The following CYP4Z1 variants were observed in gnomAD, a reference collection of about 807,000 sequenced individuals.
CYP4Z1 encodes the protein cytochrome P450 family 4 subfamily Z member 1, also known as cytochrome P450 4Z1.
CYP4Z1 carries 41 observed loss-of-function variants against 54.2 expected under a neutral mutation model. The observed-to-expected ratio is 0.76, with a 90% CI of 0.59 to 0.98. The LOEUF (loss-of-function observed/expected upper bound fraction) is 0.98. CYP4Z1 is among the 50% of genes least tolerant of loss of function. CYP4Z1 has a pLI of 0.00. For synonymous variants in CYP4Z1, 163 were observed against 206.2 expected (o/e 0.79, Z 1.79); for missense variants, 513 against 599.0 (o/e 0.86, Z 1.50).
rs1644520558 is a variant in CYP4Z1 at position 47,076,330 on chromosome 1, G to A, written c.320-4293G>A. ...ATCATTTCCTTCCTTCAGTAGCTTT[G>A]GGTTTCATTTGCCCTTCTTTTTCCA... On this transcript the variant is annotated intron_variant, in intron 2 of 11. Coordinates refer to ENST00000334194, the MANE Select transcript of CYP4Z1 (RefSeq NM_178134.3). Among the ~76,000 whole-genome samples, 3 of 150,090 alleles carry A rather than the reference G, an allele frequency of 2.0e-5. No homozygotes were observed. In the South Asian group the frequency reaches 6.4e-4, roughly 32 times the overall value.
intron 8 of CYP4Z1, among the ~76,000 whole-genome samples, chr1:47,105,918 C>CGGG (rs10567873): frequency 6.7e-6 from 1 of 150,328 alleles, no homozygotes; most frequent in African/African-American, 2.4e-5. Flanking sequence ...CCTATATCTG[C>CGGG]GGGGGGGGGA....
At chr1:47,109,148 C>G (rs1412482663) in intron 9 of CYP4Z1, among the ~76,000 whole-genome samples, 1 of 151,962 alleles carries the variant, frequency 6.6e-6, no homozygotes, top group Non-Finnish European at 1.5e-5. Flanking sequence ...TACACATACA[C>G]TGAAATGCAA....
At chr1:47,094,439 T>G in intron 6 of CYP4Z1, 127 bp from the exon 7 acceptor site, 2 of 624,900 alleles carry the variant, frequency 3.2e-6, no homozygotes, top group Non-Finnish European at 5.5e-6. Context: ...CCTTACCAAC[T>G]CAGGAACATT....
intron 9 of CYP4Z1, among the ~76,000 whole-genome samples, chr1:47,114,357 G>A (rs1211760613): frequency 6.6e-6 from 1 of 152,062 alleles, no homozygotes; most frequent in Non-Finnish European, 1.5e-5. Flanking sequence ...AGAAAACCTA[G>A]GCAATACCAT....
intron 9 of CYP4Z1, among the ~76,000 whole-genome samples, chr1:47,114,845 G>A (rs1310118783): frequency 4.6e-5 from 7 of 152,226 alleles, no homozygotes; most frequent in African/African-American, 1.7e-4. Context: ...TACACTGTTG[G>A]TGGGACTGTA....
chr1:47,058,333 C>T, the CYP4Z1 span, among the ~76,000 whole-genome samples: 10 of 152,040 alleles, frequency 6.6e-5, no homozygotes, highest in African/African-American at 2.4e-4. Flanking sequence ...GACCTTCAGG[C>T]TGAGGTAGTT....
chr1:47,068,130 G>A (rs1644463630), intron 1 of CYP4Z1, among the ~76,000 whole-genome samples: 1 of 152,238 alleles, frequency 6.6e-6, no homozygotes, highest in African/African-American at 2.4e-5. Context: ...AAAGGCATGT[G>A]AGACTTCGCT....
chr1:47,078,883 G>A (rs1333142850), intron 2 of CYP4Z1, among the ~76,000 whole-genome samples: 1 of 149,768 alleles, frequency 6.7e-6, no homozygotes, highest in Non-Finnish European at 1.5e-5. Flanking sequence ...GTATGTGTAG[G>A]TTCCCTGTTA....
the CYP4Z1 span, among the ~76,000 whole-genome samples, chr1:47,059,805 G>A: frequency 6.6e-6 from 1 of 152,120 alleles, no homozygotes; most frequent in African/African-American, 2.4e-5. Context: ...GGTCCCCTAT[G>A]GGGCACTTTG....
the CYP4Z1 span, among the ~76,000 whole-genome samples, chr1:47,058,775 C>T: frequency 6.6e-6 from 1 of 152,150 alleles, no homozygotes; most frequent in Non-Finnish European, 1.5e-5. Context: ...CTACTCTACT[C>T]AGACCTATGT....
At chr1:47,096,399 ACT>A (rs1416542117) in intron 7 of CYP4Z1, among the ~76,000 whole-genome samples, 2 of 152,134 alleles carry the variant, frequency 1.3e-5, no homozygotes, top group South Asian at 2.1e-4. Flanking sequence ...CAAGATATCG[ACT>A]CTAAAAATAA....
chr1:47,100,031 T>G (rs1203421856), intron 8 of CYP4Z1, among the ~76,000 whole-genome samples: 1 of 151,878 alleles, frequency 6.6e-6, no homozygotes, highest in African/African-American at 2.4e-5. Flanking sequence ...TTAATAACAT[T>G]CATTCTTTGT....
At chr1:47,107,504 A>T (rs11211449) in intron 9 of CYP4Z1, among the ~76,000 whole-genome samples, 64,911 of 151,496 alleles carry the variant, frequency 0.43, 15,190 homozygotes, top group East Asian at 0.96. Context: ...TATTACCTAC[A>T]TAATATTGCA....
intron 9 of CYP4Z1, chr1:47,115,293 T>G: frequency 2.7e-6 from 1 of 365,296 alleles, no homozygotes. Flanking sequence ...CCAGAGCCTG[T>G]TGTGGGGTGG....
At chr1:47,097,946 G>C (rs1644690340) in intron 7 of CYP4Z1, among the ~76,000 whole-genome samples, 2 of 151,394 alleles carry the variant, frequency 1.3e-5, no homozygotes, top group African/African-American at 4.9e-5. Context: ...CTCCCGAGTA[G>C]CTGGGATTAC....
At position 47,117,838 on chromosome 1, in the gene CYP4Z1, G is replaced by A. The variant is rs1644841893; in HGVS notation, c.1422G>A (p.Lys474=). 6.2e-7 allele frequency: 1 copy of A among 1,613,610 alleles called. No homozygotes were observed. The highest frequency in any genetic ancestry group is 1.3e-5 in the African/African-American group (1 of 74,888). The change falls in exon 12 of 12, where the codon AAG becomes AAA. Residue 474 remains lysine (K), a synonymous_variant. Coordinates refer to ENST00000334194, the MANE Select transcript of CYP4Z1 (RefSeq NM_178134.3). The part of the protein sequence containing the change: ...VAVALTLLRF[K]LAPDHSRPPQ... Reference sequence around the variant, plus strand: ...TGGCATTAACTCTGCTCCGCTTCAAGCTGGCTCCAGACCACTCAAGGCCTC... The same window carrying A: ...TGGCATTAACTCTGCTCCGCTTCAAACTGGCTCCAGACCACTCAAGGCCTC...
intron 6 of CYP4Z1, among the ~76,000 whole-genome samples, chr1:47,087,210 G>GT (rs551487637): frequency 6.6e-6 from 1 of 152,078 alleles, no homozygotes; most frequent in Non-Finnish European, 1.5e-5. Context: ...CTTTAAAGTA[G>GT]TTTTTTTCCA....
intron 4 of CYP4Z1, among the ~76,000 whole-genome samples, chr1:47,083,008 T>A (rs1644566062): frequency 6.6e-6 from 1 of 152,230 alleles, no homozygotes; most frequent in East Asian, 1.9e-4. Flanking sequence ...ATTGTGTGTC[T>A]CCACACCTGT....
Position 47,099,076 on chromosome 1 carries a change from C to A in CYP4Z1, c.877-18C>A, listed in dbSNP as rs761397821. Reference sequence around the variant, plus strand: ...TCCATAGCCAGCTTTGGATAAAGATCATCACTGTATTTTTTAGAGCGAAAA... The same window carrying A: ...TCCATAGCCAGCTTTGGATAAAGATAATCACTGTATTTTTTAGAGCGAAAA... On this transcript the variant is annotated intron_variant, in intron 7 of 11. Coordinates refer to ENST00000334194, the MANE Select transcript of CYP4Z1 (RefSeq NM_178134.3). 71 of 1,613,568 alleles carry A rather than the reference C, an allele frequency of 4.4e-5. No homozygotes were observed. Among genetic ancestry groups the A allele is most frequent in the Non-Finnish European group, 5.5e-5 (65 of 1,179,712 alleles).
Sources: gnomAD v4.1 joint callset for allele counts (sites outside exome capture counted in the v4.1 genomes callset) on GRCh38, gnomAD v4.1.1 for gene constraint, MANE v1.5 for transcripts, NCBI Gene and HGNC (gene_info 2026-07-23, HGNC 2026-07-21) for gene names.